TBC1D5: variants seen among roughly 807,000 people sequenced by gnomAD.
TBC1D5 encodes the protein TBC1 domain family member 5.
Under a neutral mutation model 100.3 loss-of-function variants are expected in TBC1D5, and 75 were observed. That is an observed-to-expected ratio of 0.75 (90% CI 0.62 to 0.91). The LOEUF is 0.91. TBC1D5 is among the 40% of genes least tolerant of loss of function. The pLI is 0.00. For missense variants in TBC1D5, 910 were observed against 942.4 expected (o/e 0.97, Z 0.45); for synonymous variants, 323 against 325.6 (o/e 0.99, Z 0.09).
intron 1 of TBC1D5, among the ~76,000 whole-genome samples, chr3:17,675,254 TTAAG>T (rs779872890): frequency 3.9e-5 from 6 of 152,180 alleles, no homozygotes; most frequent in Non-Finnish European, 7.4e-5. Flanking sequence ...CAGAACACTG[TTAAG>T]TAACTTTATC....
chr3:17,248,791 G>A (rs985331775), intron 16 of TBC1D5, among the ~76,000 whole-genome samples: 2 of 152,098 alleles, frequency 1.3e-5, no homozygotes, highest in South Asian at 2.1e-4. Flanking sequence ...CTCTGGCTAC[G>A]GAAGTCCTTT....
At chr3:17,551,412 C>T (rs2096472367) in intron 2 of TBC1D5, among the ~76,000 whole-genome samples, 1 of 152,122 alleles carries the variant, frequency 6.6e-6, no homozygotes, top group Non-Finnish European at 1.5e-5. Flanking sequence ...ACACACAATA[C>T]TCATGTCATC....
chr3:17,229,026 G>T (rs1201101984), intron 17 of TBC1D5, among the ~76,000 whole-genome samples: 1 of 152,080 alleles, frequency 6.6e-6, no homozygotes, highest in African/African-American at 2.4e-5. Flanking sequence ...AAGAAAAGGG[G>T]GTGGGCATTT....
chr3:17,400,309 C>T (rs960845581), intron 8 of TBC1D5, among the ~76,000 whole-genome samples: 1 of 152,008 alleles, frequency 6.6e-6, no homozygotes, highest in African/African-American at 2.4e-5. Context: ...TAGGAAATTC[C>T]TCATAGACTG....
intron 2 of TBC1D5, among the ~76,000 whole-genome samples, chr3:17,591,265 A>AAAAAAAAAC (rs2096769423): frequency 9.2e-6 from 1 of 109,198 alleles, no homozygotes; most frequent in Non-Finnish European, 1.9e-5. Context: ...AAAAAAAAAA[A>AAAAAAAAAC]ACAAAAACCC....
intron 2 of TBC1D5, among the ~76,000 whole-genome samples, chr3:17,539,152 A>G (rs2096320020): frequency 1.3e-5 from 2 of 152,190 alleles, no homozygotes; most frequent in Admixed American, 1.3e-4. Context: ...CACCACTGCA[A>G]TCCAGCCTGA....
chr3:17,398,022 C>A (rs2093553778), intron 8 of TBC1D5, among the ~76,000 whole-genome samples: 1 of 152,044 alleles, frequency 6.6e-6, no homozygotes, highest in Non-Finnish European at 1.5e-5. Context: ...CCTTGATAGA[C>A]CAAATAACAT....
chr3:17,271,315 G>A (rs2079400912), intron 15 of TBC1D5, among the ~76,000 whole-genome samples: 1 of 152,090 alleles, frequency 6.6e-6, no homozygotes, highest in South Asian at 2.1e-4. Context: ...AGTTCTCCTT[G>A]TAGAGACCTT....
chr3:17,735,900 T>G (rs1383778127), intron 1 of TBC1D5, among the ~76,000 whole-genome samples: 18 of 152,276 alleles, frequency 1.2e-4, no homozygotes, highest in Admixed American at 4.6e-4. Context: ...CAAGATTTAA[T>G]AGAGTGAAAA....
chr3:17,455,311 AAT>A (rs1219709533), intron 3 of TBC1D5, among the ~76,000 whole-genome samples: 10 of 131,334 alleles, frequency 7.6e-5, no homozygotes, highest in Admixed American at 2.9e-4. Flanking sequence ...TATATATGTA[AAT>A]ATGTGTATAT....
intron 19 of TBC1D5, among the ~76,000 whole-genome samples, chr3:17,174,166 T>C (rs2067459427): frequency 1.3e-5 from 2 of 152,192 alleles, no homozygotes; most frequent in Non-Finnish European, 2.9e-5. Flanking sequence ...TTCCCTCCAG[T>C]AGCACCTAGT....
intron 9 of TBC1D5, among the ~76,000 whole-genome samples, chr3:17,380,082 T>C (rs1247989969): frequency 6.7e-6 from 1 of 149,480 alleles, no homozygotes; most frequent in African/African-American, 2.5e-5. Flanking sequence ...TGTGTGTGTG[T>C]GTGTGTGTAT....
intron 1 of TBC1D5, among the ~76,000 whole-genome samples, chr3:17,667,453 A>T (rs545119516): frequency 2.0e-4 from 30 of 151,852 alleles, no homozygotes; most frequent in South Asian, 1.7e-3. Context: ...CTAAGAAAAA[A>T]TTTTTTTTCT....
chr3:17,238,557 A>T lies in TBC1D5; in HGVS notation c.1332-138T>A, dbSNP rs2076063288. 23 of 988,124 alleles carry T rather than the reference A, an allele frequency of 2.3e-5. No individual in the cohort carries two copies. The East Asian group carries it at 6.4e-4, about 27-fold the overall frequency. 61.2% of individuals were successfully genotyped at this position (988,124 alleles called of 1,614,324 possible). A position where few individuals can be genotyped will look rare whatever the true frequency, so the allele number is the denominator to read the frequency against. ...GACCAGCTATATAAAGTGAGAAGTG[A>T]AAAATTTAAAGTTACTACAGAATAA... On this transcript the variant is annotated intron_variant, in intron 16 of 21. Coordinates refer to ENST00000253692, the Ensembl canonical transcript of TBC1D5.
chr3:17,267,865 C>T (rs1267134240), intron 15 of TBC1D5, among the ~76,000 whole-genome samples: 1 of 152,140 alleles, frequency 6.6e-6, no homozygotes, highest in African/African-American at 2.4e-5. Context: ...AATGAAAAAA[C>T]ATCTTGGAAT....
At chr3:17,728,789 G>T (rs1404423190) in intron 1 of TBC1D5, among the ~76,000 whole-genome samples, 2 of 151,916 alleles carry the variant, frequency 1.3e-5, no homozygotes, top group African/African-American at 4.8e-5. Flanking sequence ...CATCAATTAA[G>T]TGTTAACAGT....
intron 2 of TBC1D5, among the ~76,000 whole-genome samples, chr3:17,558,618 G>C (rs2096537047): frequency 4.6e-5 from 7 of 152,294 alleles, no homozygotes; most frequent in Admixed American, 2.6e-4. Flanking sequence ...AAATGGGAGT[G>C]AGAAAGGTGA....
intron 8 of TBC1D5, 110 bp from the exon 9 acceptor site, chr3:17,384,125 CTG>C (rs1044966045): frequency 8.0e-6 from 7 of 878,076 alleles, no homozygotes; most frequent in Non-Finnish European, 1.2e-5. Context: ...TAGAACAAGC[CTG>C]TGTTTGCCAT....
chr3:17,635,767 A>C (rs2063860918), intron 1 of TBC1D5, among the ~76,000 whole-genome samples: 1 of 152,262 alleles, frequency 6.6e-6, no homozygotes, highest in Non-Finnish European at 1.5e-5. Context: ...TTCTGTTCTA[A>C]CTGTGATGAG....
Sources: allele counts gnomAD v4.1 joint callset (sites outside exome capture counted in the v4.1 genomes callset), GRCh38; gene constraint gnomAD v4.1.1; transcripts MANE v1.5; gene names NCBI Gene and HGNC (gene_info 2026-07-23, HGNC 2026-07-21).